Variants in REV3L observed in about 807,000 individuals in gnomAD.
REV3L encodes DNA polymerase zeta catalytic subunit.
Under a neutral mutation model 299.4 loss-of-function variants are expected in REV3L, and 69 were observed. That is an observed-to-expected ratio of 0.23 (90% CI 0.19 to 0.28). The LOEUF (loss-of-function observed/expected upper bound fraction) is 0.28, where lower values mean the gene tolerates loss of function less well. Among genes scored for constraint, REV3L ranks in the 10% least tolerant of loss-of-function variants. The pLI, the probability that REV3L is intolerant of heterozygous loss-of-function variation, is 1.00. For synonymous variants in REV3L, 1,238 were observed against 1,271.4 expected (o/e 0.97, Z 0.56); for missense variants, 3,128 against 3,693.8 (o/e 0.85, Z 3.97).
chr6:111,480,878 G>A (rs1456536971), intron 1 of REV3L, among the ~76,000 whole-genome samples: 1 of 147,914 alleles, frequency 6.8e-6, no homozygotes, highest in Non-Finnish European at 1.5e-5. Context: ...ATCTATTGTG[G>A]GATGTCCATG....
At chr6:111,332,916 A>C (rs1775541209) in intron 23 of REV3L, among the ~76,000 whole-genome samples, 1 of 152,232 alleles carries the variant, frequency 6.6e-6, no homozygotes, top group Non-Finnish European at 1.5e-5. Context: ...CCTCTTCATG[A>C]GTCATCCATC....
chr6:111,390,311 T>C, intron 5 of REV3L, 131 bp from the exon 6 acceptor site: 1 of 609,200 alleles, frequency 1.6e-6, no homozygotes, highest in Admixed American at 2.8e-5. Context: ...ACAATTATTC[T>C]GACAAAATTG....
At position 111,375,208 on chromosome 6, in the gene REV3L, C is replaced by T; in HGVS notation, c.3147G>A (p.Lys1049=). Residue 1049 remains lysine (K), a synonymous_variant, in exon 13 of 32, where the codon AAG becomes AAA. Transcript: ENST00000368802. ...TTTTCTTAGCAGATTTATGTTTTGA[C>T]TTTCTTCTGTGACTTTTCTTTGGTG... is the stretch of plus-strand genomic sequence containing the variant. ...PLTPKKSHRR[K]SKHKSAKKKT... 6.2e-7 allele frequency: 1 copy of T among 1,611,820 alleles called. No individual in the cohort carries two copies. Among genetic ancestry groups the T allele is most frequent in the Non-Finnish European group, 8.5e-7 (1 of 1,179,560 alleles).
At chr6:111,349,041 T>A in intron 20 of REV3L, 177 bp downstream of exon 20, 1 of 447,384 alleles carries the variant, frequency 2.2e-6, no homozygotes, top group Non-Finnish European at 3.9e-6. Flanking sequence ...AACATTAAAG[T>A]CTATTACCTC....
Position 111,430,155 on chromosome 6 carries a change from G to C in REV3L, c.140-13683C>G. 3 of 789,536 alleles carry C rather than the reference G, an allele frequency of 3.8e-6. No homozygotes were observed. The South Asian group carries it at 4.0e-5, about 11-fold the overall frequency. 48.9% of individuals were successfully genotyped at this position (789,536 alleles called of 1,614,324 possible). A position where few individuals can be genotyped will look rare whatever the true frequency, so the allele number is the denominator to read the frequency against. ...AAAAGACCTCCAGTGTCACGCCCCT[G>C]TGGGATTAGACTTGCCCGGTGAGAA... On this transcript the variant is annotated intron_variant, in intron 1 of 31. Transcript: ENST00000368802.
intron 21 of REV3L, 130 bp downstream of exon 21, chr6:111,343,795 G>A: frequency 1.8e-6 from 1 of 559,630 alleles, no homozygotes; most frequent in South Asian, 3.7e-5. Context: ...CTCCCAATGT[G>A]CTAGGATTAC....
At chr6:111,304,613 C>CT (rs57907202) in intron 31 of REV3L, among the ~76,000 whole-genome samples, 2,852 of 116,516 alleles carry the variant, frequency 0.024, 61 homozygotes, top group African/African-American at 0.07. Flanking sequence ...ATCGCTTTTT[C>CT]TTTTTTTTTT....
rs531297556 is a variant in REV3L at position 111,355,235 on chromosome 6, T to C, written c.7184+1779A>G. 2.0e-5 allele frequency among the ~76,000 whole-genome samples: 3 copies of C among 152,194 alleles called. 1 individual carries two copies. The South Asian group carries it at 6.2e-4, about 31-fold the overall frequency. On this transcript the variant is annotated intron_variant, in intron 18 of 31. Transcript: ENST00000368802. The stretch of plus-strand genomic sequence containing the variant: ...ATATATTTATTTTTATATTAGTACC[T>C]AGCACTGCCCCTTACACACAGTTAA...
intron 24 of REV3L, chr6:111,331,010 T>C (rs1775322543): frequency 9.1e-6 from 9 of 985,276 alleles, no homozygotes; most frequent in African/African-American, 1.7e-5. Context: ...GGGTCCACTC[T>C]ACCATCAACC....
rs1474820922 is a variant in REV3L, at chr6:111,482,868, C to T, written c.21G>A (p.Val7=). The part of the protein sequence containing the change: MFSVRI[V]TADYYMASPL... Reference sequence around the variant, plus strand: ...GGCTGGCCATGTAGTAGTCTGCAGTCACTATCCTTACTGAAAACATGTTCG... The same window carrying T: ...GGCTGGCCATGTAGTAGTCTGCAGTTACTATCCTTACTGAAAACATGTTCG... The change falls in exon 1 of 32, where the codon GTG becomes GTA. Residue 7 remains valine (V), a synonymous_variant. Coordinates refer to ENST00000368802, the MANE Select transcript of REV3L (RefSeq NM_001372078.1). 9.2e-6 allele frequency: 14 copies of T among 1,519,718 alleles called. No homozygotes were observed. Among genetic ancestry groups the T allele is most frequent in the Non-Finnish European group, 1.1e-5 (13 of 1,142,584 alleles). 94.1% of individuals were successfully genotyped at this position (1,519,718 alleles called of 1,614,324 possible). A position where few individuals can be genotyped will look rare whatever the true frequency, so the allele number is the denominator to read the frequency against.
intron 2 of REV3L, chr6:111,412,328 T>C (rs1022039658): frequency 8.8e-6 from 8 of 907,930 alleles, no homozygotes; most frequent in East Asian, 1.2e-4. Context: ...CAAAAGGCTA[T>C]ATAACAGGAA....
chr6:111,346,673 C>G (rs894835755), intron 20 of REV3L, among the ~76,000 whole-genome samples: 2 of 152,068 alleles, frequency 1.3e-5, no homozygotes, highest in Admixed American at 1.3e-4. Flanking sequence ...AACAGGTTAC[C>G]CAGCTCATAA....
chr6:111,446,890 C>T (rs17510478), intron 1 of REV3L, among the ~76,000 whole-genome samples: 5,479 of 152,136 alleles, frequency 0.036, 329 homozygotes, highest in African/African-American at 0.12. Flanking sequence ...AATAAATCTA[C>T]TCTTTGTATA....
chr6:111,345,228 G>A (rs1038072793), intron 20 of REV3L, among the ~76,000 whole-genome samples: 8 of 152,130 alleles, frequency 5.3e-5, no homozygotes, highest in Non-Finnish European at 1.2e-4. Context: ...TGCAGATAAA[G>A]AGGATGAAAA....
intron 13 of REV3L, among the ~76,000 whole-genome samples, chr6:111,368,829 T>C (rs1208303656): frequency 6.6e-6 from 1 of 152,172 alleles, no homozygotes; most frequent in African/African-American, 2.4e-5. Context: ...ATAAAGTTAA[T>C]TCATAGTTTT....
intron 25 of REV3L, among the ~76,000 whole-genome samples, chr6:111,326,247 T>C (rs1774793633): frequency 6.6e-6 from 1 of 152,110 alleles, no homozygotes. Context: ...AACATGGGAT[T>C]AATAACCAGA....
chr6:111,348,576 C>T (rs1777255705), intron 20 of REV3L, among the ~76,000 whole-genome samples: 1 of 152,176 alleles, frequency 6.6e-6, no homozygotes, highest in African/African-American at 2.4e-5. Context: ...CTGAATTCAT[C>T]TGGCCTTAAG....
intron 4 of REV3L, among the ~76,000 whole-genome samples, chr6:111,398,323 C>T (rs148538173): frequency 6.6e-6 from 1 of 151,678 alleles, no homozygotes; most frequent in East Asian, 2.0e-4. Flanking sequence ...GAAATACATA[C>T]TCAGTTGAAA....
rs1259062955 is a variant in REV3L, at chr6:111,299,388, A to AAGAC, written c.*624_*627dup. 18 of 111,760 alleles carry AAGAC rather than the reference A, an allele frequency of 1.6e-4. No individual in the cohort carries two copies. The highest frequency in any genetic ancestry group is 4.3e-4 in the African/African-American group (15 of 34,994). The allele number at this position is 111,760 out of a possible 1,614,324, so 6.9% of individuals were successfully genotyped here. A position where few individuals can be genotyped will look rare whatever the true frequency, so the allele number is the denominator to read the frequency against. ...ACAATGCCCCATTAATAGCTAAAGC[A>AAGAC]AGACAGCATTTTTTAAAAAAAAATA... On this transcript the variant is annotated 3_prime_UTR_variant, in exon 32 of 32. Transcript: ENST00000368802.
Sources: allele counts gnomAD v4.1 joint callset (sites outside exome capture counted in the v4.1 genomes callset), GRCh38; gene constraint gnomAD v4.1.1; transcripts MANE v1.5; gene names NCBI Gene and HGNC (gene_info 2026-07-23, HGNC 2026-07-21).